AKR1C8: variants seen among roughly 807,000 people sequenced by gnomAD.
AKR1C8 encodes the protein aldo-keto reductase family 1 member C-like protein 1.
chr10:5,122,087 T>C, the AKR1C8 span: 3 of 297,740 alleles, frequency 1.0e-5, no homozygotes, highest in Non-Finnish European at 2.1e-5. Flanking sequence ...TCACTTAAAA[T>C]TGTAACTTAG....
chr10:5,167,878 T>C, the AKR1C8 span, among the ~76,000 whole-genome samples: 1 of 152,182 alleles, frequency 6.6e-6, no homozygotes, highest in Admixed American at 6.5e-5. Context: ...CAGTTACATT[T>C]ATGTGTGTGT....
chr10:5,159,793 G>T, the AKR1C8 span: 1 of 423,650 alleles, frequency 2.4e-6, no homozygotes. Flanking sequence ...CTACACAGAA[G>T]ACATCAAGCA....
chr10:5,143,226 T>G, the AKR1C8 span, among the ~76,000 whole-genome samples: 4 of 152,132 alleles, frequency 2.6e-5, no homozygotes, highest in African/African-American at 9.7e-5. Context: ...AGAGGAAAAG[T>G]CAGCTTGCTC....
chr10:5,115,895 C>CT, the AKR1C8 span, among the ~76,000 whole-genome samples: 1 of 152,128 alleles, frequency 6.6e-6, no homozygotes, highest in Non-Finnish European at 1.5e-5. Flanking sequence ...TTACCGTCCT[C>CT]TTTTCTGCAG....
chr10:5,133,743 G>A, the AKR1C8 span, among the ~76,000 whole-genome samples: 1 of 152,140 alleles, frequency 6.6e-6, no homozygotes, highest in Admixed American at 6.6e-5. Flanking sequence ...GAAATGGTGA[G>A]AAATTCTGGC....
chr10:5,147,148 G>C, the AKR1C8 span, among the ~76,000 whole-genome samples: 5 of 152,104 alleles, frequency 3.3e-5, no homozygotes, highest in Non-Finnish European at 7.4e-5. Context: ...AGATAGGAAA[G>C]CAATAGAAGG....
At chr10:5,173,049 G>A in the AKR1C8 span, among the ~76,000 whole-genome samples, 4 of 152,050 alleles carry the variant, frequency 2.6e-5, no homozygotes, top group African/African-American at 9.7e-5. Flanking sequence ...AATTCCAGGG[G>A]CTCCATAAGG....
chr10:5,123,712 A>C, the AKR1C8 span: 1 of 1,609,572 alleles, frequency 6.2e-7, no homozygotes, highest in Non-Finnish European at 8.5e-7. Flanking sequence ...TCTTATTACC[A>C]TAGTTCATGT....
chr10:5,155,662 A>T, the AKR1C8 span: 1 of 465,914 alleles, frequency 2.1e-6, no homozygotes, highest in Non-Finnish European at 4.5e-6. Context: ...GAGAATCTAC[A>T]AGCATCACTT....
the AKR1C8 span, among the ~76,000 whole-genome samples, chr10:5,173,207 G>GA: frequency 2.1e-3 from 323 of 151,616 alleles, 2 homozygotes; most frequent in South Asian, 0.019. Context: ...AGTTAACTGG[G>GA]AAAAAAAACC....
chr10:5,143,942 A>G, the AKR1C8 span, among the ~76,000 whole-genome samples: 8 of 151,912 alleles, frequency 5.3e-5, no homozygotes, highest in Admixed American at 4.6e-4. Context: ...GAAAGTGCTA[A>G]TAGTTGACAA....
At chr10:5,177,191 C>CAT in the AKR1C8 span, among the ~76,000 whole-genome samples, 8 of 151,648 alleles carry the variant, frequency 5.3e-5, no homozygotes, top group East Asian at 9.7e-4. Context: ...GCATGAAGGG[C>CAT]TGTTGAATTT....
chr10:5,156,525 G>GACCTATCTATCTATCTATCT, the AKR1C8 span, among the ~76,000 whole-genome samples: 2 of 140,934 alleles, frequency 1.4e-5, no homozygotes, highest in Admixed American at 7.5e-5. Context: ...GAAAGACTCA[G>GACCTATCTATCTATCTATCT]ATCTATCTAT....
At chr10:5,146,680 G>T in the AKR1C8 span, among the ~76,000 whole-genome samples, 8 of 152,164 alleles carry the variant, frequency 5.3e-5, no homozygotes, top group Non-Finnish European at 8.8e-5. Flanking sequence ...CCACTCTATG[G>T]GTTGTCTGTT....
At chr10:5,166,906 A>G in the AKR1C8 span, among the ~76,000 whole-genome samples, 3 of 151,814 alleles carry the variant, frequency 2.0e-5, no homozygotes, top group Non-Finnish European at 2.9e-5. Context: ...AAGGGCAAAT[A>G]TCAAGAATCT....
chr10:5,155,639 A>T, the AKR1C8 span: 1 of 452,660 alleles, frequency 2.2e-6, no homozygotes, highest in Non-Finnish European at 4.6e-6. Context: ...ATACTACAGA[A>T]AACAGCCTGT....
At chr10:5,183,988 C>T in the AKR1C8 span, among the ~76,000 whole-genome samples, 183 of 152,296 alleles carry the variant, frequency 1.2e-3, 1 homozygote, top group African/African-American at 4.3e-3. Flanking sequence ...ATATGGTGGG[C>T]TCCAGTGGGC....
the AKR1C8 span, among the ~76,000 whole-genome samples, chr10:5,168,277 G>A: frequency 2.6e-5 from 4 of 151,986 alleles, no homozygotes; most frequent in African/African-American, 9.7e-5. Flanking sequence ...CAAGCCCACA[G>A]TAGACAACTC....
At chr10:5,124,096 C>T in the AKR1C8 span, among the ~76,000 whole-genome samples, 1 of 152,140 alleles carries the variant, frequency 6.6e-6, no homozygotes, top group African/African-American at 2.4e-5. Flanking sequence ...GGCACACAGC[C>T]AATTCCAGCT....
Sources: gnomAD v4.1 joint callset for allele counts (sites outside exome capture counted in the v4.1 genomes callset) on GRCh38, gnomAD v4.1.1 for gene constraint, MANE v1.5 for transcripts, NCBI Gene and HGNC (gene_info 2026-07-23, HGNC 2026-07-21) for gene names.